The following CPNE7 variants were observed in gnomAD, a reference collection of about 807,000 sequenced individuals.
The protein encoded by CPNE7 is copine 7, also known as copine-7.
In CPNE7, 78 loss-of-function variants were observed where a neutral mutation model predicts 66.5. That is an observed-to-expected ratio of 1.17 (90% CI 0.98 to 1.42). The LOEUF (loss-of-function observed/expected upper bound fraction) is 1.42, where lower values mean the gene tolerates loss of function less well. CPNE7 is among the 40% of genes most tolerant of loss of function. The pLI is 0.00. For missense variants in CPNE7, 1,012 were observed against 776.6 expected, an observed-to-expected ratio of 1.30 and a Z score of -3.60; for synonymous variants, 468 against 336.7, an observed-to-expected ratio of 1.39 and a Z score of -4.27.
chr16:89,581,768 C>T (rs948370024), intron 2 of CPNE7, among the ~76,000 whole-genome samples: 4 of 152,226 alleles, frequency 2.6e-5, no homozygotes, highest in Admixed American at 6.5e-5. Flanking sequence ...CCTCAGCCTC[C>T]TGAGTAGCTG....
In CPNE7 at chr16:89,588,788, G is replaced by A; in HGVS notation, c.1041G>A (p.Glu347=). The change falls in exon 10 of 15, where the codon GAG becomes GAA. Residue 347 remains glutamate (E), a synonymous_variant. Coordinates refer to ENST00000319518, the MANE Select transcript of CPNE7 (RefSeq NM_153636.3). ...TGAAGGCACTGGTGTCCGTGGGCGA[G>A]ATCTGCCAGGACTATGACAGGTGCG... ...EYLKALVSVG[E]ICQDYDSDKR... The A allele has an allele frequency of 6.2e-7, 1 of 1,613,574 alleles. No homozygotes were observed.
At chr16:89,576,791 C>T (rs1175371233) in intron 1 of CPNE7, among the ~76,000 whole-genome samples, 2 of 152,198 alleles carry the variant, frequency 1.3e-5, no homozygotes, top group African/African-American at 4.8e-5. Flanking sequence ...CGGGCGGCTG[C>T]TCGGGCGGTG....
At chr16:89,582,030 A>G (rs890030453) in intron 2 of CPNE7, among the ~76,000 whole-genome samples, 3 of 152,236 alleles carry the variant, frequency 2.0e-5, no homozygotes, top group Non-Finnish European at 2.9e-5. Flanking sequence ...AAGCACACAC[A>G]CAGGGTCCGT....
chr16:89,576,176 G>GC (rs1422039091), intron 1 of CPNE7, 105 bp downstream of exon 1: 17 of 1,025,002 alleles, frequency 1.7e-5, no homozygotes, highest in Non-Finnish European at 2.1e-5. Flanking sequence ...GGGGCGCAAG[G>GC]CGGGGCCCCC....
intron 9 of CPNE7, chr16:89,587,407 C>T (rs1406098829): frequency 9.1e-4 from 293 of 322,180 alleles, no homozygotes; most frequent in African/African-American, 6.4e-3. Context: ...GGCGGTTCCC[C>T]GTGAGCCGAT....
rs2059242456 is a variant in CPNE7 at position 89,595,596 on chromosome 16, T to G, written c.1532T>G (p.Leu511Arg). 1 of 1,601,542 alleles carries G rather than the reference T, an allele frequency of 6.2e-7. No homozygotes were observed. The highest frequency in any genetic ancestry group is 1.3e-5 in the African/African-American group (1 of 74,666). The change falls in exon 14 of 15, where the codon CTC (leucine) becomes CGC (arginine). Residue 511 changes from leucine to arginine, a missense_variant. Coordinates refer to ENST00000319518, the MANE Select transcript of CPNE7 (RefSeq NM_153636.3). The part of the protein sequence containing the change: ...DIVQFVPFRE[L>R]KNASPAALAK... ...GTACAGTTCGTGCCCTTCCGGGAGC[T>G]CAAGAACGTGAGTGTCCTGGAGGGG... is the stretch of plus-strand genomic sequence containing the variant.
At chr16:89,586,984 A>T in intron 8 of CPNE7, 59 bp from the exon 9 acceptor site, 1 of 1,510,894 alleles carries the variant, frequency 6.6e-7, no homozygotes, top group Non-Finnish European at 9.0e-7. Flanking sequence ...CCTGGATCCC[A>T]GCTGGCACTG....
rs902379572 is a variant in CPNE7, at chr16:89,584,239, G to T, written c.507+137G>T. ...GTGCGGAGTGTGCCTGGGGCTGGGC[G>T]TGCTGCCGTCACGGTCGCCATCATC... On this transcript the variant is annotated intron_variant, in intron 4 of 14. Coordinates refer to ENST00000319518, the MANE Select transcript of CPNE7 (RefSeq NM_153636.3). The surrounding 1 kb of genome is among the most constrained non-coding windows in gnomAD (Gnocchi z 6.0). The T allele has an allele frequency of 3.6e-6, 3 of 844,528 alleles. No individual in the cohort carries two copies. The highest frequency in any genetic ancestry group is 5.4e-6 in the Non-Finnish European group (3 of 556,898). The allele number at this position is 844,528 out of a possible 1,614,324, so 52.3% of individuals were successfully genotyped here.
rs775569816 is a variant in CPNE7, at chr16:89,595,440, G to A, written c.1376G>A (p.Arg459His). The change falls in exon 14 of 15, where the codon CGT (arginine) becomes CAT (histidine). Residue 459 changes from arginine to histidine, a missense_variant. Physicochemically the swap from Arg to His is conservative, Grantham distance 29. Coordinates refer to ENST00000319518, the MANE Select transcript of CPNE7 (RefSeq NM_153636.3). ...DMADTREAIV[R>H]ASRLPMSIII... ...GCCGACACACGGGAGGCCATTGTGC[G>A]TGCCTCACGCCTGCCCATGTCCATC... 7.4e-6 allele frequency: 12 copies of A among 1,610,988 alleles called. No homozygotes were observed. The highest frequency in any genetic ancestry group is 3.3e-5 in the Admixed American group (2 of 59,894).
intron 14 of CPNE7, chr16:89,595,892 T>C (rs1286900894): frequency 1.7e-6 from 1 of 587,178 alleles, no homozygotes; most frequent in Non-Finnish European, 3.2e-6. Context: ...GCTGCCAACC[T>C]CTGCGACCCG....
chr16:89,580,644 C>T (rs1394714777), intron 2 of CPNE7, among the ~76,000 whole-genome samples: 1 of 136,970 alleles, frequency 7.3e-6, no homozygotes, highest in Non-Finnish European at 1.6e-5. Flanking sequence ...CACGGAACAT[C>T]CCATCACCCG....
At position 89,584,605 on chromosome 16, in the gene CPNE7, G is replaced by T. The variant is rs1326687240; in HGVS notation, c.508-169G>T. ...GCCCGCCGTGGTCAGATCCCTGGGG[G>T]CGGGAGGGAGGGACGAGATGCTGTC... On this transcript the variant is annotated intron_variant, in intron 4 of 14. Coordinates refer to ENST00000319518, the MANE Select transcript of CPNE7 (RefSeq NM_153636.3). The surrounding 1 kb of genome is among the most constrained non-coding windows in gnomAD (Gnocchi z 6.0). Among the ~76,000 whole-genome samples the T allele has an allele frequency of 6.6e-6, 1 of 152,012 alleles. No homozygotes were observed. Among genetic ancestry groups the T allele is most frequent in the African/African-American group, 2.4e-5 (1 of 41,368 alleles).
Position 89,595,587 on chromosome 16 carries a change from T to C in CPNE7, c.1523T>C (p.Phe508Ser). 1 of 1,603,862 alleles carries C rather than the reference T, an allele frequency of 6.2e-7. No individual in the cohort carries two copies. The highest frequency in any genetic ancestry group is 8.5e-7 in the Non-Finnish European group (1 of 1,173,204). The change falls in exon 14 of 15, where the codon TTC becomes TCC. Residue 508 changes from phenylalanine (F) to serine (S), a missense_variant. Transcript: ENST00000319518. ...CGGGACATCGTACAGTTCGTGCCCT[T>C]CCGGGAGCTCAAGAACGTGAGTGTC... ...ALRDIVQFVP[F>S]RELKNASPAA...
At chr16:89,588,922 C>T (rs572960285) in intron 10 of CPNE7, 114 bp downstream of exon 10, 7 of 1,362,062 alleles carry the variant, frequency 5.1e-6, no homozygotes, top group African/African-American at 4.3e-5. Flanking sequence ...ACAGGTGCAC[C>T]CGGCCGGTTT....
intron 2 of CPNE7, among the ~76,000 whole-genome samples, chr16:89,580,917 T>TGGAACATCTCACCCATCACAC (rs920478747): frequency 1.3e-3 from 118 of 91,566 alleles, no homozygotes; most frequent in African/African-American, 5.0e-3. Flanking sequence ...ACCCGTCACA[T>TGGAACATCTCACCCATCACAC]GGAACATCTC....
chr16:89,582,498 G>A (rs185142279), intron 2 of CPNE7, among the ~76,000 whole-genome samples: 1 of 152,344 alleles, frequency 6.6e-6, no homozygotes, highest in Non-Finnish European at 1.5e-5. Flanking sequence ...TCCCAGGTGT[G>A]AGGCAGAGGC....
chr16:89,583,334 C>T, intron 2 of CPNE7: 1 of 1,051,936 alleles, frequency 9.5e-7, no homozygotes. Context: ...TCAGGGCAGC[C>T]CTGCTTACCT....
rs951622683 is a variant in CPNE7, at chr16:89,595,397, G to C, written c.1333G>C (p.Gly445Arg). Residue 445 changes from glycine (G) to arginine (R), a missense_variant, in exon 14 of 15, where the codon GGC becomes CGC. Gly to Arg is a moderately radical substitution (Grantham distance 125). Coordinates refer to ENST00000319518, the MANE Select transcript of CPNE7 (RefSeq NM_153636.3). ...QYYILLILTD[G>R]VVTDMADTRE... ...CTACATCCTGCTGATCCTGACGGAC[G>C]GCGTGGTGACCGACATGGCCGACAC... is the stretch of plus-strand genomic sequence containing the variant. 6.3e-7 allele frequency: 1 copy of C among 1,592,452 alleles called. No individual in the cohort carries two copies. Among genetic ancestry groups the C allele is most frequent in the Non-Finnish European group, 8.6e-7 (1 of 1,165,972 alleles).
chr16:89,592,810 C>CTTTTTTTT (rs57297283), intron 13 of CPNE7, among the ~76,000 whole-genome samples: 25 of 106,388 alleles, frequency 2.3e-4, no homozygotes, highest in African/African-American at 3.9e-4. Context: ...TTTTTCTTTT[C>CTTTTTTTT]TTTTTTTTTT....
Sources: allele counts gnomAD v4.1 joint callset (sites outside exome capture counted in the v4.1 genomes callset), GRCh38; gene constraint gnomAD v4.1.1; non-coding constraint Gnocchi (gnomAD v3.1); transcripts MANE v1.5; gene names NCBI Gene and HGNC (gene_info 2026-07-23, HGNC 2026-07-21).